DLC1: variants seen among roughly 807,000 people sequenced by gnomAD.
The protein encoded by DLC1 is DLC1 Rho GTPase activating protein.
Under a neutral mutation model 140.3 loss-of-function variants are expected in DLC1, and 54 were observed. The ratio of observed to expected loss-of-function variants is 0.38; its 90% CI spans 0.31 to 0.48. The LOEUF (loss-of-function observed/expected upper bound fraction) is 0.48, where lower values mean the gene tolerates loss of function less well. DLC1 is among the 20% of genes least tolerant of loss of function. DLC1 has a pLI of 0.96. For missense variants in DLC1, 2,536 were observed against 1,907.0 expected (o/e 1.33, Z -6.14); for synonymous variants, 986 against 728.1 (o/e 1.35, Z -5.70).
chr8:13,300,068 G>C (rs1232488116), intron 5 of DLC1, among the ~76,000 whole-genome samples: 1 of 152,180 alleles, frequency 6.6e-6, no homozygotes, highest in Non-Finnish European at 1.5e-5. Context: ...TAAAGAAAAT[G>C]TGGTACATAT....
chr8:13,155,995 A>C (rs1195420979), intron 5 of DLC1, among the ~76,000 whole-genome samples: 1 of 152,064 alleles, frequency 6.6e-6, no homozygotes, highest in East Asian at 1.9e-4. Flanking sequence ...CTGTTCTTTA[A>C]ATTTATTCTA....
chr8:13,110,779 C>G lies in DLC1; in HGVS notation c.1465G>C (p.Asp489His). ...TCAATGGCATCTCTGTCCAAAAAAT[C>G]ATGCTCTCTCTTGACCAAGGAAATA... Reference protein sequence around the residue: ...IDISLVKREHDFLDRDAIEAL... With the variant: ...IDISLVKREHHFLDRDAIEAL... The change falls in exon 7 of 18, where the codon GAT becomes CAT. Residue 489 changes from aspartate to histidine, a missense_variant. Transcript: ENST00000276297. 1 of 1,614,078 alleles carries G rather than the reference C, an allele frequency of 6.2e-7. No homozygotes were observed. Among genetic ancestry groups the G allele is most frequent in the Non-Finnish European group, 8.5e-7 (1 of 1,180,026 alleles).
chr8:13,512,622 C>T (rs1273965660), intron 1 of DLC1, among the ~76,000 whole-genome samples: 1 of 152,036 alleles, frequency 6.6e-6, no homozygotes, highest in Non-Finnish European at 1.5e-5. Flanking sequence ...AAATAAGCTA[C>T]AGCAACAATG....
intron 5 of DLC1, among the ~76,000 whole-genome samples, chr8:13,126,334 C>T (rs7824084): frequency 0.081 from 12,284 of 151,390 alleles, 644 homozygotes; most frequent in African/African-American, 0.14. Flanking sequence ...AAAAATAAAT[C>T]GCTGCTACAG....
intron 2 of DLC1, among the ~76,000 whole-genome samples, chr8:13,416,781 G>C (rs565556293): frequency 2.6e-5 from 4 of 152,298 alleles, no homozygotes; most frequent in South Asian, 4.1e-4. Context: ...ACACTTGAGA[G>C]ATTCTGGTTT....
At chr8:13,092,870 T>C (rs770307305) in intron 12 of DLC1, 45 bp from the exon 13 acceptor site, 4 of 1,578,912 alleles carry the variant, frequency 2.5e-6, no homozygotes, top group Non-Finnish European at 3.4e-6. Flanking sequence ...TGAATTTGCA[T>C]GGACATTGCA....
intron 5 of DLC1, among the ~76,000 whole-genome samples, chr8:13,271,761 T>C (rs1171977414): frequency 6.6e-6 from 1 of 152,244 alleles, no homozygotes; most frequent in Non-Finnish European, 1.5e-5. Context: ...CATAGCTCAC[T>C]GTAACTTTGA....
At chr8:13,415,369 C>T (rs1388827228) in intron 2 of DLC1, among the ~76,000 whole-genome samples, 1 of 151,202 alleles carries the variant, frequency 6.6e-6, no homozygotes. Context: ...CCTTCATCTT[C>T]TCAGTGATGT....
intron 5 of DLC1, among the ~76,000 whole-genome samples, chr8:13,178,627 A>T (rs953372073): frequency 2.1e-5 from 3 of 144,848 alleles, no homozygotes. Context: ...ACATCCAAAG[A>T]CACCATTAAG....
chr8:13,309,212 C>A (rs954842475), intron 4 of DLC1, among the ~76,000 whole-genome samples: 1 of 152,098 alleles, frequency 6.6e-6, no homozygotes, highest in Non-Finnish European at 1.5e-5. Context: ...TCCTGCTGGC[C>A]ATATGGGTTC....
At chr8:13,360,722 T>C (rs73203995) in intron 4 of DLC1, among the ~76,000 whole-genome samples, 19,377 of 151,990 alleles carry the variant, frequency 0.13, 1,393 homozygotes, top group South Asian at 0.17. Flanking sequence ...AAGTAATCCA[T>C]GTCTTAGAAA....
At chr8:13,189,049 CAA>C (rs1826589071) in intron 5 of DLC1, among the ~76,000 whole-genome samples, 3 of 151,320 alleles carry the variant, frequency 2.0e-5, no homozygotes, top group Non-Finnish European at 4.4e-5. Context: ...CTCAAACAAT[CAA>C]AAGTCTTTAG....
At chr8:13,551,162 T>A (rs892293330) in intron 1 of DLC1, among the ~76,000 whole-genome samples, 3 of 151,774 alleles carry the variant, frequency 2.0e-5, no homozygotes, top group Admixed American at 1.3e-4. Flanking sequence ...AATCCCTTAC[T>A]TTGCAAAACT....
At chr8:13,465,753 C>G (rs1338733433) in intron 2 of DLC1, among the ~76,000 whole-genome samples, 1 of 152,090 alleles carries the variant, frequency 6.6e-6, no homozygotes, top group Non-Finnish European at 1.5e-5. Context: ...ATATATCCAT[C>G]TTTTCTAAGA....
chr8:13,241,533 A>G (rs982640845), intron 5 of DLC1, among the ~76,000 whole-genome samples: 5 of 152,298 alleles, frequency 3.3e-5, no homozygotes, highest in African/African-American at 1.2e-4. Context: ...GAAGATCTTA[A>G]AACTGATATT....
chr8:13,113,437 C>T (rs1297732912), intron 6 of DLC1, among the ~76,000 whole-genome samples: 2 of 152,122 alleles, frequency 1.3e-5, no homozygotes, highest in Non-Finnish European at 2.9e-5. Context: ...TGAAGGGACC[C>T]CAAATGTAAC....
intron 7 of DLC1, among the ~76,000 whole-genome samples, chr8:13,107,451 A>C (rs1406542651): frequency 2.0e-5 from 3 of 152,216 alleles, no homozygotes; most frequent in Non-Finnish European, 2.9e-5. Flanking sequence ...GATTTTGTAA[A>C]ATGTTTAAGC....
chr8:13,478,971 A>G (rs1204952044), intron 2 of DLC1, among the ~76,000 whole-genome samples: 1 of 152,222 alleles, frequency 6.6e-6, no homozygotes, highest in Non-Finnish European at 1.5e-5. Flanking sequence ...GGGTCTATGC[A>G]TAGCATTTGA....
chr8:13,408,756 A>T (rs1837669349), intron 2 of DLC1, among the ~76,000 whole-genome samples: 1 of 152,184 alleles, frequency 6.6e-6, no homozygotes, highest in Non-Finnish European at 1.5e-5. Flanking sequence ...CCATACTATC[A>T]TGCTTATGTG....
Sources: allele counts gnomAD v4.1 joint callset (sites outside exome capture counted in the v4.1 genomes callset), GRCh38; gene constraint gnomAD v4.1.1; transcripts MANE v1.5; gene names NCBI Gene and HGNC (gene_info 2026-07-23, HGNC 2026-07-21).